TRPV4: variants seen among roughly 807,000 people sequenced by gnomAD.
TRPV4 encodes OSM9-like transient receptor potential channel 4.
In TRPV4, 58 loss-of-function variants were observed where a neutral mutation model predicts 84.1. The ratio of observed to expected loss-of-function variants is 0.69; its 90% CI spans 0.56 to 0.86. The LOEUF is 0.86. TRPV4 is among the 40% of genes least tolerant of loss of function. TRPV4 has a pLI of 0.00. For missense variants in TRPV4, 879 were observed against 1,181.1 expected, an observed-to-expected ratio of 0.74 and a Z score of 3.75; for synonymous variants, 489 against 500.9, an observed-to-expected ratio of 0.98 and a Z score of 0.32.
At chr12:109,792,909 T>C (rs888750178) in intron 10 of TRPV4, 92 bp from the exon 11 acceptor site, 6 of 1,341,110 alleles carry the variant, frequency 4.5e-6, no homozygotes, top group Non-Finnish European at 5.2e-6. Flanking sequence ...CCCTCCAGGG[T>C]ATCAGGACTT....
intron 1 of TRPV4, among the ~76,000 whole-genome samples, chr12:109,822,353 C>T (rs1162729501): frequency 1.3e-5 from 2 of 152,130 alleles, no homozygotes; most frequent in Non-Finnish European, 2.9e-5. Context: ...TCCTGTGGTA[C>T]CCTCAAATAA....
intron 12 of TRPV4, 54 bp downstream of exon 12, chr12:109,792,309 T>C: frequency 6.8e-7 from 1 of 1,464,298 alleles, no homozygotes; most frequent in East Asian, 2.3e-5. Context: ...TCATGGCTAC[T>C]GTTCCCGTCC....
rs1890605723 is a variant in TRPV4 at position 109,798,967 on chromosome 12, C to T, written c.854-55G>A. On this transcript the variant is annotated intron_variant, in intron 5 of 15. Coordinates refer to ENST00000261740, the MANE Select transcript of TRPV4 (RefSeq NM_021625.5). The surrounding 1 kb of genome is among the most constrained non-coding windows in gnomAD (Gnocchi z 5.0). ...AGCGAAGGGGGCCCAGGGTGGGACT[C>T]TGCCTGCAGACACTCGGGGGACGGA... The T allele has an allele frequency of 3.2e-6, 5 of 1,543,964 alleles. No individual in the cohort carries two copies. In the Admixed American group the frequency reaches 8.5e-5, roughly 26 times the overall value.
At chr12:109,806,565 G>A (rs549201576) in intron 3 of TRPV4, among the ~76,000 whole-genome samples, 31 of 151,598 alleles carry the variant, frequency 2.0e-4, no homozygotes, top group African/African-American at 7.2e-4. Context: ...GGGTAAGAAT[G>A]AGGTTGAGGC....
chr12:109,793,712 A>G lies in TRPV4; in HGVS notation c.1585-112T>C. ...GAGGGAGGCAGAGGCTGGTACAGAGAAAAGACAAAGGACTCTTTCCTGTTA... is the reference window on the plus strand; with the variant it reads ...GAGGGAGGCAGAGGCTGGTACAGAGGAAAGACAAAGGACTCTTTCCTGTTA... On this transcript the variant is annotated intron_variant, in intron 9 of 15. Coordinates refer to ENST00000261740, the MANE Select transcript of TRPV4 (RefSeq NM_021625.5). The surrounding 1 kb of genome is among the most constrained non-coding windows in gnomAD (Gnocchi z 4.0). 1.0e-6 allele frequency: 1 copy of G among 987,088 alleles called. No individual in the cohort carries two copies. The highest frequency in any genetic ancestry group is 1.6e-6 in the Non-Finnish European group (1 of 626,462). 61.1% of individuals were successfully genotyped at this position (987,088 alleles called of 1,614,324 possible).
chr12:109,795,159 AGAGAAAGATT>A (rs1226822290), intron 7 of TRPV4, among the ~76,000 whole-genome samples: 1 of 152,258 alleles, frequency 6.6e-6, no homozygotes, highest in Admixed American at 6.5e-5. Flanking sequence ...TCTGATTCAG[AGAGAAAGATT>A]GAGAAATTTT....
intron 14 of TRPV4, among the ~76,000 whole-genome samples, chr12:109,784,933 C>T (rs1889597331): frequency 6.7e-6 from 1 of 148,740 alleles, no homozygotes; most frequent in African/African-American, 2.5e-5. Context: ...TTTGAGTATA[C>T]AATTCAGTGG....
chr12:109,803,201 A>G (rs1592846851), intron 3 of TRPV4, 58 bp from the exon 4 acceptor site: 1 of 1,601,192 alleles, frequency 6.2e-7, no homozygotes, highest in Non-Finnish European at 8.5e-7. Context: ...TTGAACTTCC[A>G]GGCATCGGGG....
At chr12:109,810,108 G>GCT (rs1891430577) in intron 2 of TRPV4, among the ~76,000 whole-genome samples, 1 of 152,182 alleles carries the variant, frequency 6.6e-6, no homozygotes, top group Non-Finnish European at 1.5e-5. Context: ...GAGCTGGAGG[G>GCT]CTTGGAGACA....
intron 1 of TRPV4, among the ~76,000 whole-genome samples, chr12:109,821,916 T>G (rs1892114160): frequency 6.6e-6 from 1 of 152,166 alleles, no homozygotes; most frequent in Non-Finnish European, 1.5e-5. Context: ...GTCCCCTGTG[T>G]CCCCAGCATT....
At position 109,794,058 on chromosome 12, in the gene TRPV4, G is replaced by A. The variant is rs367953654; in HGVS notation, c.1492-36C>T. ...GCAAGGGCACACAGGTCGTCACCCAGCCCCTCCAACATCTGGCCCCCAATC... is the reference window on the plus strand; with the variant it reads ...GCAAGGGCACACAGGTCGTCACCCAACCCCTCCAACATCTGGCCCCCAATC... On this transcript the variant is annotated intron_variant, in intron 8 of 15. Coordinates refer to ENST00000261740, the MANE Select transcript of TRPV4 (RefSeq NM_021625.5). The A allele has an allele frequency of 3.0e-4, 457 of 1,543,520 alleles. 1 individual carries two copies. Among genetic ancestry groups the A allele is most frequent in the Non-Finnish European group, 3.7e-4 (414 of 1,130,610 alleles).
In TRPV4 at chr12:109,792,385, G is replaced by C; in HGVS notation, c.1869C>G (p.Leu623=). The change falls in exon 12 of 16, where the codon CTC becomes CTG. Residue 623 remains leucine (L), a synonymous_variant. Transcript: ENST00000261740. Reference sequence around the variant, plus strand: ...CACCTGAAGCGTAGCCGATCATGAAGAGCAAGTAGACGAGCAGGAATCGGA... The same window carrying C: ...CACCTGAAGCGTAGCCGATCATGAACAGCAAGTAGACGAGCAGGAATCGGA... ...DLFRFLLVYL[L]FMIGYASALV... 8 of 1,613,766 alleles carry C rather than the reference G, an allele frequency of 5.0e-6. No homozygotes were observed. The highest frequency in any genetic ancestry group is 6.8e-6 in the Non-Finnish European group (8 of 1,179,908).
chr12:109,804,346 G>A (rs569504366), intron 3 of TRPV4, among the ~76,000 whole-genome samples: 93 of 152,282 alleles, frequency 6.1e-4, no homozygotes, highest in African/African-American at 2.0e-3. Flanking sequence ...GGTGGGAGAC[G>A]CAGGTGTGGG....
Position 109,815,689 on chromosome 12 carries a change from G to A in TRPV4, c.-31-862C>T, listed in dbSNP as rs771881152. The stretch of plus-strand genomic sequence containing the variant: ...CAGAAGCTTTATCCCAGCTGTTCAC[G>A]GGATGGTTCGTTCCCAGGCTGTGGG... On this transcript the variant is annotated intron_variant, in intron 1 of 15. Transcript: ENST00000261740. This position sits in a 1 kb window ranked among gnomAD's most constrained non-coding sequence, Gnocchi z 4.1. Among the ~76,000 whole-genome samples, 1 of 152,204 alleles carries A rather than the reference G, an allele frequency of 6.6e-6. No homozygotes were observed. The highest frequency in any genetic ancestry group is 1.5e-5 in the Non-Finnish European group (1 of 68,044).
intron 1 of TRPV4, among the ~76,000 whole-genome samples, chr12:109,817,340 C>A (rs1326241102): frequency 6.6e-6 from 1 of 152,098 alleles, no homozygotes; most frequent in Non-Finnish European, 1.5e-5. Flanking sequence ...TTTCCAGTAC[C>A]CTTCTATCCA....
chr12:109,802,305 C>CT (rs548840636), intron 4 of TRPV4, among the ~76,000 whole-genome samples: 14,915 of 138,340 alleles, frequency 0.11, 923 homozygotes, highest in South Asian at 0.2. Context: ...TTTTTTGCAT[C>CT]TTTTTTTTTT....
In TRPV4 at chr12:109,798,163, A is replaced by G. The variant is rs1267187715; in HGVS notation, c.1152+451T>C. 6.6e-6 allele frequency among the ~76,000 whole-genome samples: 1 copy of G among 152,216 alleles called. No individual in the cohort carries two copies. The highest frequency in any genetic ancestry group is 1.9e-4 in the East Asian group (1 of 5,202). Reference sequence around the variant, plus strand: ...CCGGGATGCAGATCAATGTCTGGCAATAGCACAAGACGGTCCCCACCACAA... The same window carrying G: ...CCGGGATGCAGATCAATGTCTGGCAGTAGCACAAGACGGTCCCCACCACAA... On this transcript the variant is annotated intron_variant, in intron 6 of 15. Coordinates refer to ENST00000261740, the MANE Select transcript of TRPV4 (RefSeq NM_021625.5). This position sits in a 1 kb window ranked among gnomAD's most constrained non-coding sequence, Gnocchi z 5.0.
At chr12:109,792,864 C>A in intron 10 of TRPV4, 47 bp from the exon 11 acceptor site, 2 of 1,604,810 alleles carry the variant, frequency 1.2e-6, no homozygotes, top group Non-Finnish European at 1.7e-6. Context: ...GGAGAGGGGA[C>A]AATGAGGCTC....
chr12:109,833,267 A>G (rs1193485537), intron 1 of TRPV4, 83 bp downstream of exon 1: 1 of 152,216 alleles, frequency 6.6e-6, no homozygotes, highest in East Asian at 1.9e-4. Context: ...GACCCCCCGG[A>G]GCCGGACGGG....
Sources: allele counts gnomAD v4.1 joint callset (sites outside exome capture counted in the v4.1 genomes callset), GRCh38; gene constraint gnomAD v4.1.1; non-coding constraint Gnocchi (gnomAD v3.1); transcripts MANE v1.5; gene names NCBI Gene and HGNC (gene_info 2026-07-23, HGNC 2026-07-21).